ANO10: variants seen among roughly 807,000 people sequenced by gnomAD.
The protein encoded by ANO10 is anoctamin-10.
Under a neutral mutation model 74.7 loss-of-function variants are expected in ANO10, and 77 were observed. The observed-to-expected ratio is 1.03, with a 90% CI of 0.86 to 1.25. ANO10 has a LOEUF of 1.25. Among genes scored for constraint, ANO10 ranks in the 50% most tolerant of loss-of-function variants. The pLI is 0.00. For missense variants in ANO10, 721 were observed against 778.1 expected (o/e 0.93, Z 0.87); for synonymous variants, 279 against 284.9 (o/e 0.98, Z 0.21).
In ANO10 at chr3:43,673,674, T is replaced by C. The variant is rs1027211696; in HGVS notation, c.-12+17843A>G. On this transcript the variant is annotated intron_variant, in intron 1 of 3. Transcript: ENST00000413397. ...TGAAATAGAGTAGAAAAATATCTTT[T>C]TTAAAAAAACACTGATTCTACTGAA... Among the ~76,000 whole-genome samples, 7 of 152,270 alleles carry C rather than the reference T, an allele frequency of 4.6e-5. No homozygotes were observed. In the East Asian group the frequency reaches 1.2e-3, roughly 25 times the overall value.
intron 1 of ANO10, among the ~76,000 whole-genome samples, chr3:43,669,941 G>T (rs1397651953): frequency 6.6e-6 from 1 of 152,032 alleles, no homozygotes; most frequent in African/African-American, 2.4e-5. Flanking sequence ...GGCCAGGATG[G>T]TCTCGATCTC....
intron 7 of ANO10, 148 bp from the exon 8 acceptor site, chr3:43,565,875 C>G (rs1559710128): frequency 2.5e-6 from 2 of 798,368 alleles, no homozygotes; most frequent in Non-Finnish European, 4.1e-6. Context: ...CAGCTCCCAG[C>G]CTGAGCGACG....
intron 12 of ANO10, among the ~76,000 whole-genome samples, chr3:43,408,219 A>G (rs763053542): frequency 2.6e-5 from 4 of 152,234 alleles, no homozygotes; most frequent in Non-Finnish European, 5.9e-5. Flanking sequence ...AAGAAAATCT[A>G]AAACTACAGC....
At chr3:43,374,057 G>A (rs976527847) in intron 12 of ANO10, among the ~76,000 whole-genome samples, 1 of 152,178 alleles carries the variant, frequency 6.6e-6, no homozygotes, top group African/African-American at 2.4e-5. Flanking sequence ...GAACCCCCAG[G>A]CTTCAGCATG....
intron 12 of ANO10, among the ~76,000 whole-genome samples, chr3:43,402,832 C>A (rs1321664028): frequency 6.6e-6 from 1 of 152,166 alleles, no homozygotes; most frequent in African/African-American, 2.4e-5. Flanking sequence ...CTGAAGTGGG[C>A]AGTAAATGCC....
At chr3:43,540,559 T>C (rs551658630) in intron 11 of ANO10, among the ~76,000 whole-genome samples, 11 of 152,254 alleles carry the variant, frequency 7.2e-5, no homozygotes, top group Non-Finnish European at 1.3e-4. Flanking sequence ...CTTTTCATCA[T>C]TCTCCATTCC....
At chr3:43,594,612 G>A (rs1216101196) in intron 4 of ANO10, among the ~76,000 whole-genome samples, 3 of 152,162 alleles carry the variant, frequency 2.0e-5, no homozygotes, top group Non-Finnish European at 2.9e-5. Flanking sequence ...ATTTAAAGCA[G>A]TGTGTAGAAG....
chr3:43,494,406 T>C (rs1277601138), intron 11 of ANO10, among the ~76,000 whole-genome samples: 1 of 152,094 alleles, frequency 6.6e-6, no homozygotes, highest in African/African-American at 2.4e-5. Context: ...TGAGCTGAGA[T>C]TGCGCCATTG....
chr3:43,420,816 C>T (rs866413234), intron 12 of ANO10, among the ~76,000 whole-genome samples: 16 of 152,302 alleles, frequency 1.1e-4, no homozygotes, highest in African/African-American at 1.2e-4. Context: ...TTTCATTCAA[C>T]GATTATAAAT....
chr3:43,674,510 T>A (rs2084098006), intron 1 of ANO10, among the ~76,000 whole-genome samples: 1 of 152,102 alleles, frequency 6.6e-6, no homozygotes, highest in Non-Finnish European at 1.5e-5. Context: ...ATAATCATAG[T>A]ATAAAAACCA....
Position 43,366,835 on chromosome 3 carries a change from C to T in ANO10, c.*71G>A. The T allele has an allele frequency of 1.4e-6, 2 of 1,472,598 alleles. No homozygotes were observed. The highest frequency in any genetic ancestry group is 1.2e-5 in the South Asian group (1 of 82,552). The allele number at this position is 1,472,598 out of a possible 1,614,324, so 91.2% of individuals were successfully genotyped here. On this transcript the variant is annotated 3_prime_UTR_variant, in exon 13 of 13. Coordinates refer to ENST00000292246, the MANE Select transcript of ANO10 (RefSeq NM_018075.5). Reference sequence around the variant, plus strand: ...AGCCACGATGCTGCCCCGGGTACCCCCCCTGCCACCGTGGCAGGTGTGGCA... The same window carrying T: ...AGCCACGATGCTGCCCCGGGTACCCTCCCTGCCACCGTGGCAGGTGTGGCA...
intron 12 of ANO10, among the ~76,000 whole-genome samples, chr3:43,392,301 G>C (rs758599392): frequency 2.6e-5 from 4 of 152,062 alleles, no homozygotes; most frequent in Non-Finnish European, 5.9e-5. Context: ...CAATTTTCTT[G>C]ATCATTCTTT....
chr3:43,450,330 C>CA (rs1483768084), intron 11 of ANO10, among the ~76,000 whole-genome samples: 1 of 152,032 alleles, frequency 6.6e-6, no homozygotes. Context: ...GACCTGAGGT[C>CA]AGGAGTTTGA....
At chr3:43,427,959 T>C (rs1246558809) in intron 12 of ANO10, among the ~76,000 whole-genome samples, 1 of 152,156 alleles carries the variant, frequency 6.6e-6, no homozygotes, top group Non-Finnish European at 1.5e-5. Context: ...GTGGCCCATG[T>C]AGCAGTGTCA....
At chr3:43,685,306 T>C (rs2084260986) in intron 1 of ANO10, among the ~76,000 whole-genome samples, 2 of 152,244 alleles carry the variant, frequency 1.3e-5, no homozygotes, top group African/African-American at 2.4e-5. Flanking sequence ...AACTTTTGTA[T>C]ATTTCATGGA....
At chr3:43,462,665 G>A (rs1357333819) in intron 11 of ANO10, among the ~76,000 whole-genome samples, 1 of 152,252 alleles carries the variant, frequency 6.6e-6, no homozygotes, top group African/African-American at 2.4e-5. Flanking sequence ...TAAGTAATGA[G>A]GAGCTGAATG....
intron 12 of ANO10, among the ~76,000 whole-genome samples, chr3:43,418,912 T>C (rs1377590451): frequency 6.6e-6 from 1 of 152,246 alleles, no homozygotes; most frequent in Admixed American, 6.5e-5. Context: ...CGCTCTTTCA[T>C]TTACGTATGT....
Position 43,565,701 on chromosome 3 carries a change from T to C in ANO10, c.1245A>G (p.Ser415=). ...LVFNFLNCFA[S]LFYIAFVLKD... ...TCAAGACAAAGGCAATATAGAAGAGTGAGGCAAAGCAATTGAGGAAGTTGA... is the reference window on the plus strand; with the variant it reads ...TCAAGACAAAGGCAATATAGAAGAGCGAGGCAAAGCAATTGAGGAAGTTGA... The change falls in exon 8 of 13, where the codon TCA becomes TCG. Residue 415 remains serine (S), a synonymous_variant. Transcript: ENST00000292246. 6.5e-7 allele frequency: 1 copy of C among 1,548,720 alleles called. No homozygotes were observed. Among genetic ancestry groups the C allele is most frequent in the Non-Finnish European group, 8.7e-7 (1 of 1,152,264 alleles).
intron 1 of ANO10, among the ~76,000 whole-genome samples, chr3:43,685,648 T>C (rs978295322): frequency 2.6e-5 from 4 of 152,308 alleles, no homozygotes; most frequent in East Asian, 1.9e-4. Context: ...TTCCACCAAA[T>C]GGGTAGGGAC....
Sources: allele counts gnomAD v4.1 joint callset (sites outside exome capture counted in the v4.1 genomes callset), GRCh38; gene constraint gnomAD v4.1.1; transcripts MANE v1.5; gene names NCBI Gene and HGNC (gene_info 2026-07-23, HGNC 2026-07-21).